VKORC1L1: variants seen among roughly 807,000 people sequenced by gnomAD.
VKORC1L1 encodes the protein vitamin K epoxide reductase complex subunit 1L1.
VKORC1L1 carries 2 observed loss-of-function variants against 18.9 expected under a neutral mutation model. The observed-to-expected ratio is 0.11, with a 90% CI of 0.04 to 0.33. VKORC1L1 has a LOEUF of 0.33. Among genes scored for constraint, VKORC1L1 ranks in the 10% least tolerant of loss-of-function variants. The pLI is 1.00. For missense variants in VKORC1L1, 123 were observed against 224.1 expected (o/e 0.55, Z 2.88); for synonymous variants, 96 against 100.0 (o/e 0.96, Z 0.24).
intron 1 of VKORC1L1, among the ~76,000 whole-genome samples, chr7:65,884,481 AC>A (rs1490612926): frequency 6.6e-6 from 1 of 152,166 alleles, no homozygotes; most frequent in East Asian, 1.9e-4. Context: ...TACTAAAAAT[AC>A]AAAAATTAGC....
chr7:65,936,250 G>A (rs1789940600), intron 1 of VKORC1L1, among the ~76,000 whole-genome samples: 1 of 151,714 alleles, frequency 6.6e-6, no homozygotes, highest in African/African-American at 2.4e-5. Flanking sequence ...ATCTGATTCT[G>A]GTAATTCCAG....
At chr7:65,927,505 T>C (rs1437384501) in intron 1 of VKORC1L1, among the ~76,000 whole-genome samples, 1 of 152,144 alleles carries the variant, frequency 6.6e-6, no homozygotes, top group Non-Finnish European at 1.5e-5. Context: ...AAGAATGGAC[T>C]CAGAGACCAG....
intron 1 of VKORC1L1, among the ~76,000 whole-genome samples, chr7:65,920,925 G>A (rs1789665150): frequency 6.6e-6 from 1 of 151,692 alleles, no homozygotes; most frequent in African/African-American, 2.4e-5. Flanking sequence ...AAAAGGAGAA[G>A]GAAAGAAAGA....
chr7:65,949,212 G>GCTGA (rs752498606), intron 2 of VKORC1L1, among the ~76,000 whole-genome samples: 5 of 152,088 alleles, frequency 3.3e-5, no homozygotes, highest in African/African-American at 1.2e-4. Context: ...GGGTGCGGTG[G>GCTGA]TGCACACCTG....
intron 1 of VKORC1L1, among the ~76,000 whole-genome samples, chr7:65,948,390 C>T (rs200662309): frequency 0.036 from 4,879 of 136,704 alleles, 144 homozygotes; most frequent in East Asian, 0.09. Context: ...GAATACTTTG[C>T]CCTACCTTCT....
chr7:65,876,873 G>A (rs1277925357), intron 1 of VKORC1L1, among the ~76,000 whole-genome samples: 3 of 152,130 alleles, frequency 2.0e-5, no homozygotes, highest in African/African-American at 2.4e-5. Context: ...GGGCAAAACC[G>A]TGTCTTTACA....
intron 1 of VKORC1L1, among the ~76,000 whole-genome samples, chr7:65,886,667 A>G (rs1306882793): frequency 6.6e-6 from 1 of 151,468 alleles, no homozygotes; most frequent in Admixed American, 6.6e-5. Flanking sequence ...CATCCTGAGT[A>G]GCTGGGACTA....
intron 1 of VKORC1L1, among the ~76,000 whole-genome samples, chr7:65,923,429 T>C (rs560553876): frequency 1.5e-4 from 22 of 150,998 alleles, no homozygotes; most frequent in Admixed American, 4.6e-4. Flanking sequence ...ATGATAGTAA[T>C]TGGGGAGGAG....
At chr7:65,909,650 C>T (rs932026281) in intron 1 of VKORC1L1, among the ~76,000 whole-genome samples, 1 of 149,238 alleles carries the variant, frequency 6.7e-6, no homozygotes, top group South Asian at 2.1e-4. Context: ...GATCATCTGT[C>T]GAAACTGTTC....
intron 1 of VKORC1L1, among the ~76,000 whole-genome samples, chr7:65,877,503 A>G (rs1266669247): frequency 2.0e-5 from 3 of 152,138 alleles, no homozygotes; most frequent in African/African-American, 7.2e-5. Flanking sequence ...GCCCACCACC[A>G]TGCCCGGCTA....
At chr7:65,922,530 C>T (rs1047535086) in intron 1 of VKORC1L1, among the ~76,000 whole-genome samples, 25 of 152,128 alleles carry the variant, frequency 1.6e-4, no homozygotes, top group African/African-American at 5.8e-4. Context: ...GTGATCTGCC[C>T]GCCTCAGCCT....
chr7:65,882,139 G>A (rs1788938576), intron 1 of VKORC1L1, among the ~76,000 whole-genome samples: 1 of 151,794 alleles, frequency 6.6e-6, no homozygotes. Context: ...CAGCACTTTG[G>A]GAGACTGAGG....
Position 65,959,342 on chromosome 7 carries a change from C to T in VKORC1L1, c.*5042C>T, listed in dbSNP as rs1449678179. On this transcript the variant is annotated 3_prime_UTR_variant, in exon 3 of 3. Coordinates refer to ENST00000360768, the MANE Select transcript of VKORC1L1 (RefSeq NM_173517.6). Reference sequence around the variant, plus strand: ...AATGGACTGCCCCTAATTTGTAAACCATTTAAATGTGTCTATTACATTTAA... The same window carrying T: ...AATGGACTGCCCCTAATTTGTAAACTATTTAAATGTGTCTATTACATTTAA... 2 of 152,112 alleles carry T rather than the reference C, an allele frequency of 1.3e-5. No individual in the cohort carries two copies. Among genetic ancestry groups the T allele is most frequent in the East Asian group, 3.8e-4 (2 of 5,198 alleles). 9.4% of individuals were successfully genotyped at this position (152,112 alleles called of 1,614,324 possible). A position where few individuals can be genotyped will look rare whatever the true frequency, so the allele number is the denominator to read the frequency against.
At chr7:65,932,575 C>T (rs959587716) in intron 1 of VKORC1L1, among the ~76,000 whole-genome samples, 1 of 152,128 alleles carries the variant, frequency 6.6e-6, no homozygotes, top group Non-Finnish European at 1.5e-5. Flanking sequence ...TTGAGACTTC[C>T]TCTTTGATCC....
chr7:65,895,135 A>G (rs1238679664), intron 1 of VKORC1L1, among the ~76,000 whole-genome samples: 1 of 152,092 alleles, frequency 6.6e-6, no homozygotes, highest in Non-Finnish European at 1.5e-5. Context: ...AGCTGATGAC[A>G]TCTTCCAGGT....
intron 1 of VKORC1L1, among the ~76,000 whole-genome samples, chr7:65,889,174 A>G (rs2116354608): frequency 6.7e-6 from 1 of 150,298 alleles, no homozygotes; most frequent in East Asian, 2.0e-4. Context: ...CCCTTCTGTC[A>G]TTCTTCTTTC....
At chr7:65,908,123 A>G (rs1220552575) in intron 1 of VKORC1L1, among the ~76,000 whole-genome samples, 6 of 152,198 alleles carry the variant, frequency 3.9e-5, no homozygotes, top group Admixed American at 2.6e-4. Flanking sequence ...GTTAATAGAA[A>G]TTTATTTGGC....
chr7:65,913,726 C>CAA (rs566592339), intron 1 of VKORC1L1, among the ~76,000 whole-genome samples: 9,896 of 73,174 alleles, frequency 0.14, 1,007 homozygotes, highest in Non-Finnish European at 0.19. Flanking sequence ...GACTCTGTCT[C>CAA]AAAAAAAAAA....
chr7:65,867,916 G>A, the VKORC1L1 span, among the ~76,000 whole-genome samples: 2 of 152,130 alleles, frequency 1.3e-5, no homozygotes, highest in African/African-American at 2.4e-5. Flanking sequence ...GTGCAATCTC[G>A]ACTCACTGCA....
Sources: allele counts gnomAD v4.1 joint callset (sites outside exome capture counted in the v4.1 genomes callset), GRCh38; gene constraint gnomAD v4.1.1; transcripts MANE v1.5; gene names NCBI Gene and HGNC (gene_info 2026-07-23, HGNC 2026-07-21).